PCBP3: variants seen among roughly 807,000 people sequenced by gnomAD.
The protein encoded by PCBP3 is poly(rC) binding protein 3.
Under a neutral mutation model 52.7 loss-of-function variants are expected in PCBP3, and 25 were observed. The observed-to-expected ratio is 0.47, with a 90% confidence interval of 0.35 to 0.66. The LOEUF (loss-of-function observed/expected upper bound fraction) is 0.66. Ranked by LOEUF, PCBP3 falls within the 30% of genes least tolerant of loss-of-function variation. PCBP3 has a pLI of 0.01. For missense variants in PCBP3, 391 were observed against 490.3 expected, an observed-to-expected ratio of 0.80 and a Z score of 1.91; for synonymous variants, 162 against 183.0, an observed-to-expected ratio of 0.89 and a Z score of 0.93.
intron 4 of PCBP3, among the ~76,000 whole-genome samples, chr21:45,822,932 C>A (rs966420002): frequency 6.6e-6 from 1 of 152,158 alleles, no homozygotes; most frequent in Non-Finnish European, 1.5e-5. Context: ...ACTGTCACCC[C>A]ATGGTATCGG....
Position 45,860,864 on chromosome 21 carries a change from C to T in PCBP3, c.10+10769C>T, listed in dbSNP as rs1262991275. On this transcript the variant is annotated intron_variant, in intron 5 of 17. Transcript: ENST00000681687. ...CAGTGTGGCGAGGAGCAGCCCTTGG[C>T]AGCGACCCCCGTGGAGGTGCAGTGC... 2.0e-5 allele frequency among the ~76,000 whole-genome samples: 3 copies of T among 152,212 alleles called. No individual in the cohort carries two copies. In the East Asian group the frequency reaches 5.8e-4, roughly 29 times the overall value.
intron 4 of PCBP3, among the ~76,000 whole-genome samples, chr21:45,771,526 T>G (rs1380161092): frequency 6.6e-6 from 1 of 152,242 alleles, no homozygotes; most frequent in African/African-American, 2.4e-5. Flanking sequence ...CAGTATCATT[T>G]TAGAATATGC....
At chr21:45,898,929 C>T (rs908680889) in intron 6 of PCBP3, among the ~76,000 whole-genome samples, 3 of 151,988 alleles carry the variant, frequency 2.0e-5, no homozygotes, top group African/African-American at 4.8e-5. Context: ...GCCGTCCTCA[C>T]GGCCTCCCTC....
chr21:45,901,744 AAGAG>A (rs964665174), intron 9 of PCBP3, among the ~76,000 whole-genome samples: 5 of 86,760 alleles, frequency 5.8e-5, no homozygotes, highest in African/African-American at 1.2e-4. Context: ...GAGAGACAGA[AAGAG>A]AGAGAGACAG....
intron 6 of PCBP3, among the ~76,000 whole-genome samples, chr21:45,896,876 G>A (rs1200533793): frequency 7.1e-6 from 1 of 140,838 alleles, no homozygotes; most frequent in Non-Finnish European, 1.5e-5. Context: ...AGGCGGCCGC[G>A]GCACATAGAA....
In PCBP3 at chr21:45,736,865, AG is replaced by A. The variant is rs200372969; in HGVS notation, c.-162+1441del. Among the ~76,000 whole-genome samples, 3,768 of 152,134 alleles carry A rather than the reference AG, an allele frequency of 0.025. 78 individuals carry two copies. Among genetic ancestry groups the A allele is most frequent in the Non-Finnish European group, 0.037 (2,494 of 67,954 alleles). ...CAGTGAGTTCATCCTGTGGCATGTC[AG>A]GGGGTGACAGTGGCTGTGGAGGAAA... On this transcript the variant is annotated intron_variant, in intron 3 of 17. Transcript: ENST00000681687. The surrounding 1 kb of genome is among the most constrained non-coding windows in gnomAD (Gnocchi z 4.6).
At chr21:45,819,914 G>A (rs764541990) in intron 4 of PCBP3, among the ~76,000 whole-genome samples, 2 of 152,232 alleles carry the variant, frequency 1.3e-5, no homozygotes, top group Non-Finnish European at 2.9e-5. Context: ...CAGGAGCTCA[G>A]GCCCCAGACC....
intron 2 of PCBP3, among the ~76,000 whole-genome samples, chr21:45,723,542 A>G (rs954552825): frequency 6.6e-6 from 1 of 152,288 alleles, no homozygotes; most frequent in Admixed American, 6.5e-5. Flanking sequence ...GATAGTGAGT[A>G]AAGCCCATCA....
chr21:45,847,086 T>G (rs1464554951), intron 4 of PCBP3, among the ~76,000 whole-genome samples: 2 of 152,226 alleles, frequency 1.3e-5, no homozygotes, highest in African/African-American at 4.8e-5. Flanking sequence ...TTTTTACATG[T>G]GGTTTGTGTC....
intron 2 of PCBP3, among the ~76,000 whole-genome samples, chr21:45,674,098 G>A (rs1219503826): frequency 6.6e-6 from 1 of 152,082 alleles, no homozygotes; most frequent in Non-Finnish European, 1.5e-5. Context: ...TCTCAGTAAT[G>A]TCTTTCACTG....
chr21:45,939,314 G>C (rs915852108), intron 16 of PCBP3, among the ~76,000 whole-genome samples: 1 of 152,200 alleles, frequency 6.6e-6, no homozygotes. Flanking sequence ...TCTTCTCTGG[G>C]GGCCCGAGTT....
chr21:45,708,899 C>A (rs1270022520), intron 2 of PCBP3, among the ~76,000 whole-genome samples: 3 of 152,216 alleles, frequency 2.0e-5, no homozygotes, highest in Admixed American at 2.0e-4. Context: ...CTGGGCGAGG[C>A]CCCCACTGGC....
chr21:45,896,238 C>T lies in PCBP3; in HGVS notation c.41C>T (p.Pro14Leu), dbSNP rs2095823289. 7.1e-6 allele frequency: 11 copies of T among 1,552,018 alleles called. No individual in the cohort carries two copies. Among genetic ancestry groups the T allele is most frequent in the Non-Finnish European group, 9.6e-6 (11 of 1,147,114 alleles). The change falls in exon 6 of 18, where the codon CCT (proline) becomes CTT (leucine). Residue 14 changes from proline to leucine, a missense_variant. Transcript: ENST00000681687. The part of the protein sequence containing the change: ...GDAFWAPSVL[P>L]HSTLSTLSHH... ...GCCTTCTGGGCCCCATCTGTCCTTC[C>T]TCACAGCACCCTCAGCACCTTAAGC...
chr21:45,647,453 A>G (rs747744509), intron 1 of PCBP3, among the ~76,000 whole-genome samples: 1 of 152,246 alleles, frequency 6.6e-6, no homozygotes, highest in South Asian at 2.1e-4. Context: ...CAGTTGGGAT[A>G]CATAGAAAAC....
rs934401483 is a variant in PCBP3, at chr21:45,821,020, C to G, written c.-125-28941C>G. Among the ~76,000 whole-genome samples the G allele has an allele frequency of 6.6e-6, 1 of 152,220 alleles. No individual in the cohort carries two copies. The highest frequency in any genetic ancestry group is 1.9e-4 in the East Asian group (1 of 5,190). On this transcript the variant is annotated intron_variant, in intron 4 of 17. Transcript: ENST00000681687. This position sits in a 1 kb window ranked among gnomAD's most constrained non-coding sequence, Gnocchi z 4.4. ...AGGAGACCCGGCCCCTCGTCCTTGT[C>G]CATCCATGTGGCTTCTGCAAAGCAC...
rs2091410113 is a variant in PCBP3 at position 45,789,736 on chromosome 21, T to G, written c.-126+34284T>G. ...AGCTTTTGCTGTGAGTGGGAGCCAGTGCTTCTTGTCTTAAGCAGAGGTGGG... is the reference window on the plus strand; with the variant it reads ...AGCTTTTGCTGTGAGTGGGAGCCAGGGCTTCTTGTCTTAAGCAGAGGTGGG... On this transcript the variant is annotated intron_variant, in intron 4 of 17. Transcript: ENST00000681687. 2.6e-5 allele frequency among the ~76,000 whole-genome samples: 4 copies of G among 152,288 alleles called. No homozygotes were observed. The South Asian group carries it at 8.3e-4, about 32-fold the overall frequency.
At chr21:45,881,447 C>A (rs983162642) in intron 5 of PCBP3, among the ~76,000 whole-genome samples, 8 of 152,186 alleles carry the variant, frequency 5.3e-5, no homozygotes, top group Non-Finnish European at 1.0e-4. Context: ...CACTCCACCA[C>A]ACCCAACTAA....
chr21:45,939,217 A>C (rs1246920341), intron 16 of PCBP3, among the ~76,000 whole-genome samples: 4 of 152,150 alleles, frequency 2.6e-5, no homozygotes, highest in African/African-American at 9.7e-5. Flanking sequence ...CAAGCTCCAG[A>C]GCTCTCATCC....
rs140406428 is a variant in PCBP3, at chr21:45,797,122, G to A, written c.-126+41670G>A. ...GGTACAGTATTTGGGGTGAAAGAGC[G>A]TGGTGTATGGGCCTACAGAGATAGT... On this transcript the variant is annotated intron_variant, in intron 4 of 17. Coordinates refer to ENST00000681687, the MANE Select transcript of PCBP3 (RefSeq NM_001384156.1). 5.5e-3 allele frequency among the ~76,000 whole-genome samples: 838 copies of A among 152,310 alleles called. 7 individuals carry two copies. Among genetic ancestry groups the A allele is most frequent in the African/African-American group, 0.019 (806 of 41,556 alleles).
Sources: gnomAD v4.1 joint callset for allele counts (sites outside exome capture counted in the v4.1 genomes callset) on GRCh38, gnomAD v4.1.1 for gene constraint, Gnocchi (gnomAD v3.1) non-coding constraint, MANE v1.5 for transcripts, NCBI Gene and HGNC (gene_info 2026-07-23, HGNC 2026-07-21) for gene names.